Variants in ELP4 observed in about 807,000 individuals in gnomAD.
ELP4 encodes the protein elongator complex protein 4.
Under a neutral mutation model 48.9 loss-of-function variants are expected in ELP4, and 51 were observed. The ratio of observed to expected loss-of-function variants is 1.04; its 90% CI spans 0.83 to 1.32. The LOEUF is 1.32. ELP4 is among the 40% of genes most tolerant of loss of function. The pLI is 0.00. For synonymous variants in ELP4, 210 were observed against 189.2 expected (o/e 1.11, Z -0.90); for missense variants, 519 against 514.6 (o/e 1.01, Z -0.08).
chr11:31,707,343 C>T (rs1946655469), intron 9 of ELP4: 4 of 229,202 alleles, frequency 1.7e-5, no homozygotes, highest in Non-Finnish European at 3.4e-5. Context: ...CATTTTACCA[C>T]GTGTAATCTA....
At chr11:31,545,599 G>T (rs1009739347) in intron 3 of ELP4, among the ~76,000 whole-genome samples, 6 of 152,046 alleles carry the variant, frequency 3.9e-5, no homozygotes, top group Non-Finnish European at 7.4e-5. Flanking sequence ...GTATAGCAAG[G>T]CAGGCCAACA....
intron 9 of ELP4, chr11:31,687,607 A>C (rs865870164): frequency 6.6e-6 from 1 of 152,302 alleles, no homozygotes; most frequent in South Asian, 2.1e-4. Flanking sequence ...AAAGTAGAAA[A>C]AGTGAATGGG....
chr11:31,552,439 C>T (rs527544849), intron 3 of ELP4, among the ~76,000 whole-genome samples: 1 of 152,236 alleles, frequency 6.6e-6, no homozygotes, highest in African/African-American at 2.4e-5. Context: ...TTACTTTAGT[C>T]TATTGGAGAT....
intron 5 of ELP4, among the ~76,000 whole-genome samples, chr11:31,607,090 C>T (rs1000277940): frequency 2.0e-5 from 3 of 152,088 alleles, no homozygotes; most frequent in African/African-American, 7.2e-5. Context: ...AATGAAAGGC[C>T]ATGTGAGCAC....
chr11:31,663,046 A>G (rs1945597026), intron 9 of ELP4: 1 of 152,514 alleles, frequency 6.6e-6, no homozygotes, highest in Non-Finnish European at 1.5e-5. Flanking sequence ...AGCCACAGAT[A>G]AATTGCTATT....
At chr11:31,691,784 A>G (rs1946286730) in intron 9 of ELP4, among the ~76,000 whole-genome samples, 1 of 152,174 alleles carries the variant, frequency 6.6e-6, no homozygotes, top group Non-Finnish European at 1.5e-5. Flanking sequence ...GAATGTAAAT[A>G]TTTATCATAC....
At chr11:31,751,765 T>A (rs1343524544) in intron 9 of ELP4, among the ~76,000 whole-genome samples, 2 of 152,204 alleles carry the variant, frequency 1.3e-5, no homozygotes, top group Non-Finnish European at 2.9e-5. Flanking sequence ...CCTACTCTAA[T>A]GTTCCCTGTC....
At chr11:31,512,638 T>G (rs953977346) in intron 1 of ELP4, 3 of 152,314 alleles carry the variant, frequency 2.0e-5, no homozygotes, top group African/African-American at 7.2e-5. Context: ...TATATTGTTA[T>G]TTGAGGACAC....
intron 3 of ELP4, among the ~76,000 whole-genome samples, chr11:31,573,016 T>A (rs1047525587): frequency 1.3e-5 from 2 of 151,704 alleles, no homozygotes; most frequent in Non-Finnish European, 2.9e-5. Flanking sequence ...TCAAAAAAAG[T>A]AAGGAAGGAG....
chr11:31,678,131 T>C (rs1384894125), intron 9 of ELP4, among the ~76,000 whole-genome samples: 2 of 152,172 alleles, frequency 1.3e-5, no homozygotes, highest in Non-Finnish European at 2.9e-5. Flanking sequence ...AGCTTCCTCA[T>C]ATTGGCTTTT....
intron 3 of ELP4, among the ~76,000 whole-genome samples, chr11:31,542,829 TAAAACAAA>T (rs974681592): frequency 7.3e-5 from 11 of 151,528 alleles, no homozygotes; most frequent in Admixed American, 1.3e-4. Flanking sequence ...AAAAATCAAT[TAAAACAAA>T]AAAGAAATGA....
chr11:31,740,734 T>C (rs1373528495), intron 9 of ELP4, among the ~76,000 whole-genome samples: 1 of 152,226 alleles, frequency 6.6e-6, no homozygotes, highest in East Asian at 1.9e-4. Context: ...GATCTTTATT[T>C]CTTTTAATAA....
chr11:31,725,482 C>T (rs1947056971), intron 9 of ELP4, among the ~76,000 whole-genome samples: 1 of 152,220 alleles, frequency 6.6e-6, no homozygotes. Context: ...CTCTAGTTCT[C>T]CCTGCCTTGC....
At chr11:31,650,454 TAA>T in intron 9 of ELP4, 1 of 354,096 alleles carries the variant, frequency 2.8e-6, no homozygotes, top group Non-Finnish European at 5.0e-6. Flanking sequence ...GAATATCTAT[TAA>T]AAGTAAGCTC....
intron 9 of ELP4, among the ~76,000 whole-genome samples, chr11:31,741,801 C>T (rs1050586333): frequency 3.0e-4 from 45 of 152,280 alleles, no homozygotes; most frequent in Middle Eastern, 3.4e-3. Flanking sequence ...GGGAATAAAA[C>T]AGAGCAGAAA....
chr11:31,578,640 C>G (rs1957331038), intron 3 of ELP4, among the ~76,000 whole-genome samples: 1 of 152,156 alleles, frequency 6.6e-6, no homozygotes, highest in Non-Finnish European at 1.5e-5. Context: ...TACCACACAT[C>G]TACAGCCATC....
intron 9 of ELP4, among the ~76,000 whole-genome samples, chr11:31,710,117 A>G (rs1361474665): frequency 1.3e-5 from 2 of 152,202 alleles, no homozygotes; most frequent in East Asian, 1.9e-4. Flanking sequence ...AGCACCTGCT[A>G]TAGTGCCTGA....
chr11:31,667,332 G>A (rs868763296), intron 9 of ELP4, among the ~76,000 whole-genome samples: 2 of 152,088 alleles, frequency 1.3e-5, no homozygotes, highest in African/African-American at 4.8e-5. Flanking sequence ...ATCTTATGAA[G>A]CAGTAGTATA....
chr11:31,770,916 G>A (rs1332818762), intron 9 of ELP4, among the ~76,000 whole-genome samples: 3 of 151,934 alleles, frequency 2.0e-5, no homozygotes, highest in Admixed American at 6.6e-5. Context: ...AAGCTTTCCA[G>A]GAATAATCTA....
Sources: allele counts gnomAD v4.1 joint callset (sites outside exome capture counted in the v4.1 genomes callset), GRCh38; gene constraint gnomAD v4.1.1; transcripts MANE v1.5; gene names NCBI Gene and HGNC (gene_info 2026-07-23, HGNC 2026-07-21).